The following SLC30A8 variants were observed in gnomAD, a reference collection of about 807,000 sequenced individuals.
SLC30A8 encodes the protein solute carrier family 30 member 8.
Under a neutral mutation model 36.9 loss-of-function variants are expected in SLC30A8, and 27 were observed. That is an observed-to-expected ratio of 0.73 (90% CI 0.54 to 1.01). The LOEUF (loss-of-function observed/expected upper bound fraction) is 1.01, where lower values mean the gene tolerates loss of function less well. Among genes scored for constraint, SLC30A8 ranks in the 50% least tolerant of loss-of-function variants. SLC30A8 has a pLI of 0.00. For synonymous variants in SLC30A8, 164 were observed against 172.4 expected (o/e 0.95, Z 0.38); for missense variants, 439 against 452.0 (o/e 0.97, Z 0.26).
chr8:117,010,169 A>G (rs1383340640), intron 1 of SLC30A8, among the ~76,000 whole-genome samples: 3 of 152,246 alleles, frequency 2.0e-5, no homozygotes, highest in Non-Finnish European at 4.4e-5. Context: ...CAGAGGCCTC[A>G]GAAGACCCCA....
intron 1 of SLC30A8, among the ~76,000 whole-genome samples, chr8:117,029,649 C>G (rs1476464192): frequency 6.6e-6 from 1 of 152,182 alleles, no homozygotes; most frequent in African/African-American, 2.4e-5. Flanking sequence ...AAAGCTATGT[C>G]TGTCTCTCAC....
chr8:117,001,078 G>A (rs1815993807), intron 1 of SLC30A8, among the ~76,000 whole-genome samples: 1 of 151,974 alleles, frequency 6.6e-6, no homozygotes, highest in Non-Finnish European at 1.5e-5. Context: ...CGTGTATCAG[G>A]GTGGGCTCTG....
intron 2 of SLC30A8, among the ~76,000 whole-genome samples, chr8:117,112,787 T>G (rs1190823313): frequency 6.6e-6 from 1 of 152,086 alleles, no homozygotes; most frequent in Non-Finnish European, 1.5e-5. Flanking sequence ...AATGCTGGGG[T>G]GTATCCCAAG....
At chr8:117,115,182 T>C (rs76664322) in intron 2 of SLC30A8, among the ~76,000 whole-genome samples, 8,661 of 152,120 alleles carry the variant, frequency 0.057, 651 homozygotes, top group African/African-American at 0.17. Flanking sequence ...TCAAGCTATC[T>C]TCCTGCCTTG....
At chr8:117,129,984 A>C (rs1821062818) in intron 2 of SLC30A8, 2 of 151,966 alleles carry the variant, frequency 1.3e-5, no homozygotes, top group Admixed American at 1.3e-4. Flanking sequence ...TCGAGAGTTT[A>C]GGGTTGCAAA....
At chr8:116,985,284 T>TCACA (rs1248530764) in intron 1 of SLC30A8, among the ~76,000 whole-genome samples, 16 of 121,286 alleles carry the variant, frequency 1.3e-4, no homozygotes, top group African/African-American at 4.7e-4. Context: ...ATGTGCATGC[T>TCACA]CACACACATA....
At chr8:117,042,958 G>T (rs1347493412) in intron 2 of SLC30A8, among the ~76,000 whole-genome samples, 1 of 152,194 alleles carries the variant, frequency 6.6e-6, no homozygotes, top group Non-Finnish European at 1.5e-5. Context: ...TTACAGGCGT[G>T]AGCCACCGCG....
chr8:117,151,440 C>A (rs1822185094), intron 2 of SLC30A8, among the ~76,000 whole-genome samples: 1 of 152,224 alleles, frequency 6.6e-6, no homozygotes, highest in Admixed American at 6.5e-5. Context: ...TCACAAACTA[C>A]CTCTTGCAAG....
At chr8:116,990,622 A>G (rs1372648974) in intron 1 of SLC30A8, among the ~76,000 whole-genome samples, 1 of 152,184 alleles carries the variant, frequency 6.6e-6, no homozygotes, top group Non-Finnish European at 1.5e-5. Flanking sequence ...CAACGTGATG[A>G]CTATATGCAA....
chr8:116,985,688 C>T (rs75997124), intron 1 of SLC30A8, among the ~76,000 whole-genome samples: 225 of 152,176 alleles, frequency 1.5e-3, no homozygotes, highest in African/African-American at 5.2e-3. Context: ...ACACTTCTAC[C>T]AACAATGCAT....
chr8:117,157,448 G>A (rs973745410), intron 3 of SLC30A8, among the ~76,000 whole-genome samples: 1 of 152,178 alleles, frequency 6.6e-6, no homozygotes, highest in Non-Finnish European at 1.5e-5. Context: ...CTAAAAATTT[G>A]CTGAAAAATT....
At chr8:117,106,164 G>A (rs1193658884) in intron 2 of SLC30A8, among the ~76,000 whole-genome samples, 4 of 152,100 alleles carry the variant, frequency 2.6e-5, no homozygotes, top group Non-Finnish European at 5.9e-5. Flanking sequence ...TGGGATAAAG[G>A]AAATTTATAA....
chr8:117,144,797 T>G (rs1821824777), intron 1 of SLC30A8, among the ~76,000 whole-genome samples: 1 of 152,156 alleles, frequency 6.6e-6, no homozygotes, highest in Non-Finnish European at 1.5e-5. Context: ...GGAGCAGCCC[T>G]GTGGTTTAGG....
intron 2 of SLC30A8, among the ~76,000 whole-genome samples, chr8:117,083,986 C>T (rs533723229): frequency 1.3e-5 from 2 of 152,200 alleles, no homozygotes; most frequent in Admixed American, 6.5e-5. Context: ...AGCTTTGCCG[C>T]CCCAAGATAA....
At chr8:117,087,288 A>G (rs1449166166) in intron 2 of SLC30A8, among the ~76,000 whole-genome samples, 1 of 152,208 alleles carries the variant, frequency 6.6e-6, no homozygotes, top group Non-Finnish European at 1.5e-5. Flanking sequence ...ATGCCCAAGG[A>G]TGAGGTTAAA....
intron 2 of SLC30A8, among the ~76,000 whole-genome samples, chr8:117,062,991 A>G (rs1179418766): frequency 1.3e-5 from 2 of 152,162 alleles, no homozygotes; most frequent in African/African-American, 4.8e-5. Flanking sequence ...TAACACCATG[A>G]GAGGGCTTCA....
intron 2 of SLC30A8, among the ~76,000 whole-genome samples, chr8:117,082,653 G>T (rs1183859769): frequency 3.3e-5 from 5 of 152,176 alleles, no homozygotes; most frequent in Admixed American, 3.3e-4. Flanking sequence ...CTAGAATAAT[G>T]TAGAGTTCAG....
Position 117,161,754 on chromosome 8 carries a change from C to T in SLC30A8, c.589C>T (p.His197Tyr). The T allele has an allele frequency of 6.2e-7, 1 of 1,613,344 alleles. No homozygotes were observed. The highest frequency in any genetic ancestry group is 8.5e-7 in the Non-Finnish European group (1 of 1,179,552). ...AANIVLTVVL[H>Y]QRCLGHNHKE... ...CTCTTTCAGACTAACTGTGGTTTTG[C>T]ACCAGAGATGCCTTGGCCACAATCA... The change falls in exon 5 of 8, where the codon CAC (histidine) becomes TAC (tyrosine). Residue 197 changes from histidine to tyrosine, a missense_variant. Transcript: ENST00000456015.
intron 1 of SLC30A8, among the ~76,000 whole-genome samples, chr8:116,966,504 T>TA (rs537456711): frequency 2.5e-4 from 37 of 149,688 alleles, no homozygotes; most frequent in East Asian, 2.0e-3. Flanking sequence ...TGTTTTGCCT[T>TA]AAAAAAAAAA....
Sources: gnomAD v4.1 joint callset for allele counts (sites outside exome capture counted in the v4.1 genomes callset) on GRCh38, gnomAD v4.1.1 for gene constraint, MANE v1.5 for transcripts, NCBI Gene and HGNC (gene_info 2026-07-23, HGNC 2026-07-21) for gene names.